Variants in PDZRN4 observed in about 807,000 individuals in gnomAD.
PDZRN4 encodes the protein PDZ domain containing ring finger 4, also known as PDZ domain-containing RING finger protein 4.
In PDZRN4, 70 loss-of-function variants were observed where a neutral mutation model predicts 99.0. That is an observed-to-expected ratio of 0.71 (90% CI 0.58 to 0.86). The LOEUF is 0.86. PDZRN4 is among the 40% of genes least tolerant of loss of function. The probability of loss-of-function intolerance (pLI) is 0.00; values close to 1 mark genes in which losing one functional copy is unlikely to be tolerated. For missense variants in PDZRN4, 1,474 were observed against 1,331.2 expected (o/e 1.11, Z -1.67); for synonymous variants, 551 against 501.6 (o/e 1.10, Z -1.32).
chr12:41,365,316 G>A lies in PDZRN4; in HGVS notation c.844-141140G>A, dbSNP rs115570442. 4.1e-3 allele frequency among the ~76,000 whole-genome samples: 625 copies of A among 152,132 alleles called. 4 individuals are homozygous for A. Among genetic ancestry groups the A allele is most frequent in the African/African-American group, 0.014 (601 of 41,528 alleles). ...CTTAGCCTCGATCATATTAAATCAAGTAATTGATTGTGCACATGAGCACAT... is the reference window on the plus strand; with the variant it reads ...CTTAGCCTCGATCATATTAAATCAAATAATTGATTGTGCACATGAGCACAT... On this transcript the variant is annotated intron_variant, in intron 3 of 9. Transcript: ENST00000402685.
At chr12:41,499,513 T>C (rs2120654039) in intron 3 of PDZRN4, among the ~76,000 whole-genome samples, 1 of 152,122 alleles carries the variant, frequency 6.6e-6, no homozygotes, top group African/African-American at 2.4e-5. Context: ...TTAAATGCTT[T>C]GATGGGAAAG....
chr12:41,538,045 T>A (rs944575701), intron 5 of PDZRN4, among the ~76,000 whole-genome samples: 1 of 152,178 alleles, frequency 6.6e-6, no homozygotes, highest in Non-Finnish European at 1.5e-5. Context: ...GTTGATCAGG[T>A]AGGAGAGAAA....
At chr12:41,291,625 T>C (rs1456632821) in intron 3 of PDZRN4, among the ~76,000 whole-genome samples, 2 of 152,154 alleles carry the variant, frequency 1.3e-5, no homozygotes, top group African/African-American at 4.8e-5. Context: ...CTCAATACAC[T>C]ATAGACAGGT....
At chr12:41,309,963 T>C (rs1951595909) in intron 3 of PDZRN4, among the ~76,000 whole-genome samples, 1 of 152,044 alleles carries the variant, frequency 6.6e-6, no homozygotes, top group East Asian at 1.9e-4. Context: ...GACAGAGTCT[T>C]ACTCTGTCAC....
chr12:41,244,563 C>A (rs1334882928), intron 3 of PDZRN4, among the ~76,000 whole-genome samples: 2 of 152,194 alleles, frequency 1.3e-5, no homozygotes, highest in Non-Finnish European at 2.9e-5. Context: ...CTTGCCAAAC[C>A]AGAACACTTC....
rs1565593379 is a variant in PDZRN4 at position 41,477,845 on chromosome 12, AT to A, written c.844-28606del. 6.0e-6 allele frequency: 9 copies of A among 1,496,742 alleles called. No homozygotes were observed. In the East Asian group the frequency reaches 7.1e-5, roughly 12 times the overall value. 92.7% of individuals were successfully genotyped at this position (1,496,742 alleles called of 1,614,324 possible). A position where few individuals can be genotyped will look rare whatever the true frequency, so the allele number is the denominator to read the frequency against. On this transcript the variant is annotated intron_variant, in intron 3 of 9. Coordinates refer to ENST00000402685, the MANE Select transcript of PDZRN4 (RefSeq NM_001164595.2). ...TTGATTATGAAATGCTTATCTTTGGATTTTTCTTGCATTTTTCAGGTAAGAG... is the reference window on the plus strand; with the variant it reads ...TTGATTATGAAATGCTTATCTTTGGATTTTCTTGCATTTTTCAGGTAAGAG...
At chr12:41,202,622 A>C (rs972584609) in intron 3 of PDZRN4, among the ~76,000 whole-genome samples, 1 of 152,116 alleles carries the variant, frequency 6.6e-6, no homozygotes, top group Non-Finnish European at 1.5e-5. Context: ...GTTCTTAAAA[A>C]GAATGTATCA....
chr12:41,330,460 A>G (rs1002057592), intron 3 of PDZRN4, among the ~76,000 whole-genome samples: 7 of 150,076 alleles, frequency 4.7e-5, no homozygotes, highest in Non-Finnish European at 8.9e-5. Flanking sequence ...TTTAAATCAT[A>G]TAACTTGCAG....
At position 41,248,568 on chromosome 12, in the gene PDZRN4, C is replaced by T. The variant is rs1019030010; in HGVS notation, c.843+54380C>T. Among the ~76,000 whole-genome samples the T allele has an allele frequency of 7.9e-5, 12 of 152,196 alleles. 1 individual carries two copies. Among genetic ancestry groups the T allele is most frequent in the Middle Eastern group, 3.4e-3 (1 of 294 alleles). Reference sequence around the variant, plus strand: ...AAAGCCAGTGTGAAATTGTGAGTTTCGAATGGCGGTAATTAATCATTATGG... The same window carrying T: ...AAAGCCAGTGTGAAATTGTGAGTTTTGAATGGCGGTAATTAATCATTATGG... On this transcript the variant is annotated intron_variant, in intron 3 of 9. Transcript: ENST00000402685.
intron 5 of PDZRN4, among the ~76,000 whole-genome samples, chr12:41,534,454 ACTC>A (rs1938715607): frequency 6.8e-6 from 1 of 148,078 alleles, no homozygotes. Context: ...CCTTCCCCTC[ACTC>A]CTCACAGGCT....
chr12:41,322,526 T>C (rs1324379891), intron 3 of PDZRN4, among the ~76,000 whole-genome samples: 7 of 118,990 alleles, frequency 5.9e-5, no homozygotes, highest in Non-Finnish European at 9.8e-5. Flanking sequence ...AGTCTCACTC[T>C]GTCACCCAGG....
At chr12:41,318,189 CA>C (rs1475401364) in intron 3 of PDZRN4, among the ~76,000 whole-genome samples, 2 of 152,076 alleles carry the variant, frequency 1.3e-5, no homozygotes, top group East Asian at 3.9e-4. Flanking sequence ...GTCTTAGGAT[CA>C]GTTTTCAGAA....
Position 41,330,458 on chromosome 12 carries a change from A to G in PDZRN4, c.843+136270A>G, listed in dbSNP as rs904989209. Among the ~76,000 whole-genome samples the G allele has an allele frequency of 2.0e-5, 3 of 150,316 alleles. No individual in the cohort carries two copies. In the Admixed American group the frequency reaches 2.0e-4, roughly 10 times the overall value. On this transcript the variant is annotated intron_variant, in intron 3 of 9. Transcript: ENST00000402685. ...GGGGATATTAAAATCAGTTTAAATC[A>G]TATAACTTGCAGTTCTGTAGGTCTA...
At chr12:41,313,119 A>T (rs1239285395) in intron 3 of PDZRN4, among the ~76,000 whole-genome samples, 1 of 152,094 alleles carries the variant, frequency 6.6e-6, no homozygotes, top group Non-Finnish European at 1.5e-5. Flanking sequence ...TACAAAAATT[A>T]TCCTATTGAT....
At chr12:41,365,391 T>C (rs1048962994) in intron 3 of PDZRN4, among the ~76,000 whole-genome samples, 42 of 152,074 alleles carry the variant, frequency 2.8e-4, no homozygotes, top group Admixed American at 5.9e-4. Context: ...TTGTATGTTC[T>C]ATTTAAATAG....
chr12:41,444,628 A>G (rs1952708394), intron 3 of PDZRN4, among the ~76,000 whole-genome samples: 1 of 152,194 alleles, frequency 6.6e-6, no homozygotes, highest in Admixed American at 6.6e-5. Context: ...TGAACTTTCA[A>G]AAACTTTAGA....
In PDZRN4 at chr12:41,216,698, T is replaced by C. The variant is rs150130667; in HGVS notation, c.843+22510T>C. ...GTATTCTGGGCCTGTTTATTTGATC[T>C]GCTCTGATCAATTCATCTAATTAAT... On this transcript the variant is annotated intron_variant, in intron 3 of 9. Transcript: ENST00000402685. Among the ~76,000 whole-genome samples the C allele has an allele frequency of 7.2e-5, 11 of 152,232 alleles. No homozygotes were observed. In the East Asian group the frequency reaches 1.9e-3, roughly 27 times the overall value.
At chr12:41,406,610 C>T (rs527845575) in intron 3 of PDZRN4, among the ~76,000 whole-genome samples, 1 of 152,084 alleles carries the variant, frequency 6.6e-6, no homozygotes, top group Non-Finnish European at 1.5e-5. Flanking sequence ...AAAGACAATT[C>T]AGGCCCGGCA....
rs527972809 is a variant in PDZRN4, at chr12:41,238,515, A to G, written c.843+44327A>G. ...TATCCAGAGTCTACAAGGAACTTAA[A>G]CAAATTTAGAAGAAAGAAAACAAAC... On this transcript the variant is annotated intron_variant, in intron 3 of 9. Transcript: ENST00000402685. 1.0e-3 allele frequency among the ~76,000 whole-genome samples: 157 copies of G among 152,258 alleles called. 5 individuals are homozygous for G. The South Asian group carries it at 0.031, about 30-fold the overall frequency.
Sources: allele counts gnomAD v4.1 joint callset (sites outside exome capture counted in the v4.1 genomes callset), GRCh38; gene constraint gnomAD v4.1.1; transcripts MANE v1.5; gene names NCBI Gene and HGNC (gene_info 2026-07-23, HGNC 2026-07-21).